FAAP20: variants seen among roughly 807,000 people sequenced by gnomAD.
FAAP20 encodes the protein Fanconi anemia core complex-associated protein 20.
In FAAP20, 12 loss-of-function variants were observed where a neutral mutation model predicts 16.2. That is an observed-to-expected ratio of 0.74 (90% CI 0.48 to 1.20). FAAP20 has a LOEUF of 1.20. Ranked by LOEUF, FAAP20 falls within the 50% of genes most tolerant of loss-of-function variation. The probability of loss-of-function intolerance (pLI) is 0.00; values close to 1 mark genes in which losing one functional copy is unlikely to be tolerated. For synonymous variants in FAAP20, 141 were observed against 110.7 expected, an observed-to-expected ratio of 1.27 and a Z score of -1.72; for missense variants, 288 against 245.8, an observed-to-expected ratio of 1.17 and a Z score of -1.15.
intron 3 of FAAP20, chr1:2,190,638 G>A (rs1688111172): frequency 5.7e-6 from 2 of 347,846 alleles, no homozygotes; most frequent in South Asian, 2.1e-5. Context: ...GAGCTGCCGG[G>A]GACGATGTCC....
chr1:2,189,344 A>C (rs981726398), downstream of FAAP20, among the ~76,000 whole-genome samples: 5 of 150,568 alleles, frequency 3.3e-5, no homozygotes, highest in South Asian at 2.1e-4. Flanking sequence ...AAAAAAAAAA[A>C]CAAAAAAAAA....
chr1:2,188,589 T>A, downstream of FAAP20, among the ~76,000 whole-genome samples: 1 of 152,090 alleles, frequency 6.6e-6, no homozygotes, highest in Non-Finnish European at 1.5e-5. Flanking sequence ...CCTGGCAGAG[T>A]TCTTGCCTTG....
chr1:2,207,106 G>T (rs926010907), intron 1 of FAAP20, among the ~76,000 whole-genome samples: 6 of 152,216 alleles, frequency 3.9e-5, no homozygotes, highest in African/African-American at 1.4e-4. Context: ...ATGGAGGTGA[G>T]TGGGGGGCCA....
chr1:2,198,622 C>T, upstream of FAAP20: 1 of 1,181,214 alleles, frequency 8.5e-7, no homozygotes, highest in South Asian at 1.5e-5. Context: ...GCCGTGCACC[C>T]TCCCAATTTC....
upstream of FAAP20, chr1:2,198,048 T>C (rs1272707966): frequency 7.7e-7 from 1 of 1,291,402 alleles, no homozygotes; most frequent in East Asian, 5.5e-5. Context: ...GACACAGCGG[T>C]GCTGGTGATG....
chr1:2,201,934 G>A (rs1448969232), upstream of FAAP20, among the ~76,000 whole-genome samples: 7 of 140,860 alleles, frequency 5.0e-5, no homozygotes, highest in East Asian at 6.5e-4. Context: ...GGAGAAAGGC[G>A]TGAACCCGGG....
upstream of FAAP20, among the ~76,000 whole-genome samples, chr1:2,195,098 GC>G (rs1346314161): frequency 6.6e-6 from 1 of 152,040 alleles, no homozygotes; most frequent in Non-Finnish European, 1.5e-5. Context: ...AACAGCTCCC[GC>G]CCCCGTTTCC....
downstream of FAAP20, among the ~76,000 whole-genome samples, chr1:2,211,226 C>CTTTTTTT (rs56294751): frequency 7.9e-5 from 8 of 101,112 alleles, no homozygotes; most frequent in East Asian, 2.8e-4. Context: ...TTCTTTCTTT[C>CTTTTTTT]TTTTTTTTTT....
Position 2,194,063 on chromosome 1 carries a change from G to T in FAAP20, c.133C>A (p.Arg45Ser). ...AGGATCAGCTCCGGGCTCACCGTGC[G>T]CAGTAGCTCGGCCCAGAGCCGCTCC... The part of the protein sequence containing the change: ...ERERLWAELL[R>S]TVSPELILDH... The change falls in exon 2 of 4, where the codon CGC becomes AGC. Residue 45 changes from arginine to serine, a missense_variant. Coordinates refer to ENST00000378546, the MANE Select transcript of FAAP20 (RefSeq NM_182533.4). The T allele has an allele frequency of 6.2e-7, 1 of 1,612,638 alleles. No individual in the cohort carries two copies. The highest frequency in any genetic ancestry group is 8.5e-7 in the Non-Finnish European group (1 of 1,179,952).
Position 2,189,628 on chromosome 1 carries a change from CGGGGGAGCCGAGAGGCGGGGCTGCT to C in FAAP20, c.*56_*80del. On this transcript the variant is annotated 3_prime_UTR_variant, in exon 4 of 4. Coordinates refer to ENST00000378546, the MANE Select transcript of FAAP20 (RefSeq NM_182533.4). ...GGGAGCCGAGAGGCGGGGCTGCTGG[CGGGGGAGCCGAGAGGCGGGGCTGCT>C]GGCGGGGGAGAGCGTGTCCGGGCGC... is the stretch of plus-strand genomic sequence containing the variant. 1 of 1,181,862 alleles carries C rather than the reference CGGGGGAGCCGAGAGGCGGGGCTGCT, an allele frequency of 8.5e-7. No individual in the cohort carries two copies. The highest frequency in any genetic ancestry group is 1.5e-5 in the African/African-American group (1 of 65,278). 73.2% of individuals were successfully genotyped at this position (1,181,862 alleles called of 1,614,324 possible).
chr1:2,210,509 G>A (rs1411061697), downstream of FAAP20, among the ~76,000 whole-genome samples: 1 of 152,108 alleles, frequency 6.6e-6, no homozygotes, highest in Non-Finnish European at 1.5e-5. Flanking sequence ...GGCTGATCTA[G>A]TCACAGGCTC....
At chr1:2,190,598 C>T (rs531661416) in intron 3 of FAAP20, 48 of 357,758 alleles carry the variant, frequency 1.3e-4, no homozygotes, top group South Asian at 2.8e-4. Flanking sequence ...CCATGACTCC[C>T]GGAGAGTGCC....
chr1:2,201,185 G>A, upstream of FAAP20: 1 of 1,245,518 alleles, frequency 8.0e-7, no homozygotes, highest in South Asian at 1.3e-5. Context: ...CTTCACAGAG[G>A]AGCCGTGGGG....
chr1:2,200,543 C>T (rs1329964798), upstream of FAAP20: 10 of 816,690 alleles, frequency 1.2e-5, no homozygotes, highest in South Asian at 1.7e-4. Context: ...AGCCTTTAGG[C>T]GGAGCTCCAC....
At chr1:2,187,988 T>C (rs1179514418), downstream of FAAP20, among the ~76,000 whole-genome samples, 8 of 152,180 alleles carry the variant, frequency 5.3e-5, no homozygotes, top group Non-Finnish European at 1.2e-4. Flanking sequence ...CCCCCTAGGG[T>C]TGGAATCACA....
downstream of FAAP20, chr1:2,185,216 G>A: frequency 2.8e-6 from 2 of 707,304 alleles, no homozygotes; most frequent in Non-Finnish European, 5.2e-6. Context: ...GCTTCGTGCT[G>A]GAGGAACTTG....
At chr1:2,211,744 C>CAA, downstream of FAAP20, among the ~76,000 whole-genome samples, 1 of 143,184 alleles carries the variant, frequency 7.0e-6, no homozygotes, top group Non-Finnish European at 1.5e-5. Context: ...CCACCGTGCC[C>CAA]GGCCAGTTTT....
chr1:2,209,471 G>A (rs556066568), downstream of FAAP20, among the ~76,000 whole-genome samples: 1 of 152,338 alleles, frequency 6.6e-6, no homozygotes, highest in South Asian at 2.1e-4. Context: ...TTGCTGTAGG[G>A]AGGCATGTAG....
upstream of FAAP20, chr1:2,201,373 G>A (rs534529166): frequency 1.6e-5 from 8 of 500,178 alleles, no homozygotes; most frequent in African/African-American, 2.1e-5. Context: ...AGAAGGCACC[G>A]CCGGGGGCTT....
Sources: allele counts gnomAD v4.1 joint callset (sites outside exome capture counted in the v4.1 genomes callset), GRCh38; gene constraint gnomAD v4.1.1; transcripts MANE v1.5; gene names NCBI Gene and HGNC (gene_info 2026-07-23, HGNC 2026-07-21).